NTNG1: variants seen among roughly 807,000 people sequenced by gnomAD.
NTNG1 encodes the protein netrin G1.
NTNG1 carries 16 observed loss-of-function variants against 54.0 expected under a neutral mutation model. That is an observed-to-expected ratio of 0.30 (90% confidence interval 0.20 to 0.45). The LOEUF (loss-of-function observed/expected upper bound fraction) is 0.45. Ranked by LOEUF, NTNG1 falls within the 20% of genes least tolerant of loss-of-function variation. The pLI, the probability that NTNG1 is intolerant of heterozygous loss-of-function variation, is 1.00. For missense variants in NTNG1, 530 were observed against 678.7 expected (o/e 0.78, Z 2.43); for synonymous variants, 255 against 263.1 (o/e 0.97, Z 0.30).
At chr1:107,296,392 A>G (rs1439177147) in intron 2 of NTNG1, among the ~76,000 whole-genome samples, 1 of 151,998 alleles carries the variant, frequency 6.6e-6, no homozygotes, top group Non-Finnish European at 1.5e-5. Context: ...AACCAAGTAC[A>G]ATGTATGCAC....
chr1:107,338,288 G>GA (rs1668703083), intron 3 of NTNG1, among the ~76,000 whole-genome samples: 1 of 151,794 alleles, frequency 6.6e-6, no homozygotes, highest in African/African-American at 2.4e-5. Context: ...CAAGGTTGGG[G>GA]AAAAAATAAA....
chr1:107,418,456 G>C, intron 5 of NTNG1: 1 of 576,230 alleles, frequency 1.7e-6, no homozygotes, highest in Non-Finnish European at 3.0e-6. Context: ...TTTTGTTTAA[G>C]TGCATCACAG....
chr1:107,456,900 A>G (rs1676989521), intron 7 of NTNG1, among the ~76,000 whole-genome samples: 3 of 152,264 alleles, frequency 2.0e-5, no homozygotes, highest in African/African-American at 7.2e-5. Context: ...TCTTAGGTCC[A>G]TGGAATTATA....
chr1:107,423,623 T>C (rs533645377), intron 5 of NTNG1, among the ~76,000 whole-genome samples: 5 of 152,202 alleles, frequency 3.3e-5, no homozygotes, highest in East Asian at 3.9e-4. Flanking sequence ...CCCTTTAGCT[T>C]TGCTTATACA....
intron 2 of NTNG1, among the ~76,000 whole-genome samples, chr1:107,298,060 T>G (rs1389585960): frequency 6.6e-6 from 1 of 152,058 alleles, no homozygotes; most frequent in Non-Finnish European, 1.5e-5. Flanking sequence ...TAAAAATGAC[T>G]CAAAATATAA....
intron 2 of NTNG1, among the ~76,000 whole-genome samples, chr1:107,277,663 TCTA>T (rs1051195552): frequency 6.6e-6 from 1 of 152,188 alleles, no homozygotes; most frequent in African/African-American, 2.4e-5. Context: ...GAGTAGATGT[TCTA>T]CTAAGGTCAT....
chr1:107,145,273 A>T (rs1404449119), intron 1 of NTNG1, among the ~76,000 whole-genome samples: 1 of 152,022 alleles, frequency 6.6e-6, no homozygotes, highest in East Asian at 1.9e-4. Context: ...CTCTGTAATT[A>T]TACTTTAATA....
intron 3 of NTNG1, among the ~76,000 whole-genome samples, chr1:107,338,168 C>T (rs1668695871): frequency 6.6e-6 from 1 of 151,898 alleles, no homozygotes; most frequent in Admixed American, 6.6e-5. Context: ...ATGTAATTGA[C>T]TGTTGAAATA....
intron 2 of NTNG1, among the ~76,000 whole-genome samples, chr1:107,281,209 T>C: frequency 6.6e-6 from 1 of 152,120 alleles, no homozygotes; most frequent in African/African-American, 2.4e-5. Context: ...TGTCTATTCC[T>C]CTTTGTACTT....
intron 2 of NTNG1, among the ~76,000 whole-genome samples, chr1:107,300,500 C>A (rs1666252070): frequency 6.6e-6 from 1 of 152,114 alleles, no homozygotes; most frequent in Non-Finnish European, 1.5e-5. Flanking sequence ...GCCTGCCTGG[C>A]TTTTAGTTGG....
At chr1:107,354,582 A>G (rs1669828716) in intron 3 of NTNG1, among the ~76,000 whole-genome samples, 2 of 152,010 alleles carry the variant, frequency 1.3e-5, no homozygotes, top group Admixed American at 1.3e-4. Context: ...AGCTGCATCC[A>G]TGGGTAAAAC....
intron 2 of NTNG1, among the ~76,000 whole-genome samples, chr1:107,297,174 CATATAACATCAT>C (rs1666005872): frequency 1.6e-5 from 2 of 125,098 alleles, no homozygotes; most frequent in African/African-American, 6.2e-5. Flanking sequence ...TATATAACAT[CATATAACATCAT>C]ATATATATAA....
chr1:107,144,983 C>T (rs76335573), intron 1 of NTNG1, among the ~76,000 whole-genome samples: 5,697 of 152,000 alleles, frequency 0.037, 115 homozygotes, highest in Non-Finnish European at 0.043. Flanking sequence ...TTAGGTGATA[C>T]GGACACCTGA....
intron 2 of NTNG1, 49 bp from the exon 3 acceptor site, chr1:107,324,233 T>C: frequency 6.4e-7 from 1 of 1,571,698 alleles, no homozygotes; most frequent in Non-Finnish European, 8.7e-7. Flanking sequence ...TGGCAAGACT[T>C]GTGGCAAACC....
intron 2 of NTNG1, among the ~76,000 whole-genome samples, chr1:107,213,087 A>C (rs1484865129): frequency 6.6e-6 from 1 of 151,616 alleles, no homozygotes; most frequent in African/African-American, 2.4e-5. Flanking sequence ...AAATATTTTC[A>C]TTTTAGCTGT....
intron 2 of NTNG1, among the ~76,000 whole-genome samples, chr1:107,258,719 G>A (rs1448678153): frequency 2.6e-5 from 4 of 152,170 alleles, no homozygotes; most frequent in African/African-American, 9.7e-5. Context: ...TCTCCACAGG[G>A]TACAATTGGC....
At chr1:107,150,497 A>G (rs962530713) in intron 2 of NTNG1, among the ~76,000 whole-genome samples, 1 of 152,204 alleles carries the variant, frequency 6.6e-6, no homozygotes, top group Non-Finnish European at 1.5e-5. Context: ...CATATTGTTA[A>G]GAACTCTCTA....
At chr1:107,173,874 G>A (rs750515619) in intron 2 of NTNG1, among the ~76,000 whole-genome samples, 23 of 151,742 alleles carry the variant, frequency 1.5e-4, no homozygotes, top group Non-Finnish European at 2.8e-4. Flanking sequence ...TTTTCCATAT[G>A]GAATCCGAAT....
chr1:107,177,690 A>G lies in NTNG1; in HGVS notation c.246+28851A>G, dbSNP rs116053396. Among the ~76,000 whole-genome samples, 672 of 151,848 alleles carry G rather than the reference A, an allele frequency of 4.4e-3. 6 individuals carry two copies. Among genetic ancestry groups the G allele is most frequent in the African/African-American group, 0.016 (651 of 41,404 alleles). On this transcript the variant is annotated intron_variant, in intron 2 of 7. Coordinates refer to ENST00000370068, the MANE Select transcript of NTNG1 (RefSeq NM_001113226.3). ...TTTGCTTCTTGCATTTTTCTCCATA[A>G]CTCTAGATATGTCTATACTTTTGTT...
Sources: allele counts gnomAD v4.1 joint callset (sites outside exome capture counted in the v4.1 genomes callset), GRCh38; gene constraint gnomAD v4.1.1; transcripts MANE v1.5; gene names NCBI Gene and HGNC (gene_info 2026-07-23, HGNC 2026-07-21).